Variants in SNX14 observed in about 807,000 individuals in gnomAD.
SNX14 encodes the protein sorting nexin 14.
Under a neutral mutation model 133.8 loss-of-function variants are expected in SNX14, and 93 were observed. The observed-to-expected ratio is 0.70, with a 90% CI of 0.59 to 0.83. The LOEUF (loss-of-function observed/expected upper bound fraction) is 0.83, where lower values mean the gene tolerates loss of function less well. SNX14 is among the 40% of genes least tolerant of loss of function. SNX14 has a pLI of 0.00. For missense variants in SNX14, 945 were observed against 1,094.9 expected, an observed-to-expected ratio of 0.86 and a Z score of 1.93; for synonymous variants, 368 against 365.6, an observed-to-expected ratio of 1.01 and a Z score of -0.07.
chr6:85,517,530 A>G (rs1372816969), intron 23 of SNX14: 1 of 353,916 alleles, frequency 2.8e-6, no homozygotes, highest in African/African-American at 2.1e-5. Flanking sequence ...CAGAAGTGGC[A>G]TCAGTTTGCA....
At chr6:85,536,752 C>T in intron 17 of SNX14, 40 bp downstream of exon 17, 1 of 1,582,908 alleles carries the variant, frequency 6.3e-7, no homozygotes. Context: ...CATAGTAAGT[C>T]TGAAGTTATA....
At chr6:85,511,757 G>T (rs1772900315) in intron 26 of SNX14, among the ~76,000 whole-genome samples, 1 of 152,170 alleles carries the variant, frequency 6.6e-6, no homozygotes, top group Non-Finnish European at 1.5e-5. Flanking sequence ...AATCCCACTT[G>T]GTGTATAATT....
chr6:85,549,998 G>A, intron 7 of SNX14, 119 bp from the exon 8 acceptor site: 1 of 848,414 alleles, frequency 1.2e-6, no homozygotes. Context: ...TGTAATCCCA[G>A]CATTTTGTGA....
intron 6 of SNX14, among the ~76,000 whole-genome samples, chr6:85,560,475 T>C (rs1326744187): frequency 6.6e-6 from 1 of 152,144 alleles, no homozygotes; most frequent in Non-Finnish European, 1.5e-5. Context: ...TGGTTGGCTA[T>C]GGATGAAGGG....
At chr6:85,510,595 C>T (rs940629872) in intron 26 of SNX14, among the ~76,000 whole-genome samples, 2 of 152,056 alleles carry the variant, frequency 1.3e-5, no homozygotes, top group African/African-American at 4.8e-5. Context: ...TAGTGTCTTT[C>T]ACAAAGCAAA....
At chr6:85,588,989 C>T in intron 1 of SNX14, 1 of 434,608 alleles carries the variant, frequency 2.3e-6, no homozygotes, top group South Asian at 1.6e-5. Flanking sequence ...GAAGGGGATG[C>T]AGAAGTGGCA....
chr6:85,589,129 A>G (rs1801983001), intron 1 of SNX14: 1 of 239,794 alleles, frequency 4.2e-6, no homozygotes, highest in Non-Finnish European at 8.6e-6. Flanking sequence ...TGCCAGTATC[A>G]AAGAAGGGTC....
intron 21 of SNX14, among the ~76,000 whole-genome samples, chr6:85,525,717 G>A (rs1346011893): frequency 1.3e-5 from 2 of 152,088 alleles, no homozygotes; most frequent in Admixed American, 6.5e-5. Flanking sequence ...GTGGAAAAAT[G>A]CAACTGTCTT....
intron 13 of SNX14, 80 bp downstream of exon 13, chr6:85,543,525 G>C (rs1240493584): frequency 8.4e-7 from 1 of 1,197,124 alleles, no homozygotes; most frequent in African/African-American, 1.6e-5. Flanking sequence ...ACTGCAGCTA[G>C]CCACTGCAAT....
At chr6:85,548,974 A>AT (rs1362399420) in intron 8 of SNX14, among the ~76,000 whole-genome samples, 74 of 68,770 alleles carry the variant, frequency 1.1e-3, no homozygotes, top group African/African-American at 8.6e-3. Flanking sequence ...CTCAAAAATA[A>AT]TTAAAAAAAA....
In SNX14 at chr6:85,558,072, C is replaced by T. The variant is rs200257839; in HGVS notation, c.550-12G>A. The T allele has an allele frequency of 2.4e-4, 340 of 1,389,344 alleles. 1 individual carries two copies. In the African/African-American group the frequency reaches 4.2e-3, roughly 17 times the overall value. The allele number at this position is 1,389,344 out of a possible 1,614,324, so 86.1% of individuals were successfully genotyped here. On this transcript the variant is annotated splice_polypyrimidine_tract_variant and intron_variant, in intron 6 of 28. Coordinates refer to ENST00000314673, the MANE Select transcript of SNX14 (RefSeq NM_153816.6). The stretch of plus-strand genomic sequence containing the variant: ...GATGGAATATCCACCTAGAAAAATT[C>T]AAGATTAAAACTTTTAAAATAATTA...
intron 2 of SNX14, among the ~76,000 whole-genome samples, chr6:85,573,451 A>G (rs1202284844): frequency 6.6e-6 from 1 of 152,168 alleles, no homozygotes; most frequent in Non-Finnish European, 1.5e-5. Flanking sequence ...CCGCACTCCA[A>G]CCTGGGTGAC....
chr6:85,567,410 G>A, intron 5 of SNX14, 124 bp downstream of exon 5: 1 of 701,762 alleles, frequency 1.4e-6, no homozygotes, highest in South Asian at 1.8e-5. Context: ...AATTATTTTG[G>A]CTAAAAGGTC....
chr6:85,547,777 C>T (rs887295807), intron 9 of SNX14, among the ~76,000 whole-genome samples: 3 of 152,138 alleles, frequency 2.0e-5, no homozygotes, highest in Non-Finnish European at 4.4e-5. Context: ...CTGATTTTGG[C>T]ATTTAAAATA....
At chr6:85,566,799 T>TA (rs1486310939) in intron 5 of SNX14, among the ~76,000 whole-genome samples, 3 of 152,224 alleles carry the variant, frequency 2.0e-5, no homozygotes, top group Non-Finnish European at 4.4e-5. Context: ...CATGGAGGTA[T>TA]AAGTGTTCAA....
At chr6:85,540,669 T>C (rs1306458505) in intron 15 of SNX14, among the ~76,000 whole-genome samples, 2 of 152,208 alleles carry the variant, frequency 1.3e-5, no homozygotes, top group Non-Finnish European at 2.9e-5. Flanking sequence ...AGAATTAATA[T>C]TCAACATTCA....
intron 1 of SNX14, among the ~76,000 whole-genome samples, chr6:85,583,887 GAAAAA>G (rs949442697): frequency 6.7e-6 from 1 of 149,610 alleles, no homozygotes; most frequent in Admixed American, 6.7e-5. Context: ...AACAGAATTA[GAAAAA>G]AAAATACTTT....
intron 23 of SNX14, among the ~76,000 whole-genome samples, chr6:85,515,733 T>C (rs1195904479): frequency 1.3e-5 from 2 of 152,106 alleles, no homozygotes; most frequent in East Asian, 3.9e-4. Context: ...TTCTGATATA[T>C]TATTCCCTCT....
intron 6 of SNX14, among the ~76,000 whole-genome samples, chr6:85,561,058 G>T (rs1791384253): frequency 6.7e-6 from 1 of 149,100 alleles, no homozygotes; most frequent in Non-Finnish European, 1.5e-5. Flanking sequence ...AAAAGGCTGG[G>T]CACGGTGGCT....
Sources: allele counts gnomAD v4.1 joint callset (sites outside exome capture counted in the v4.1 genomes callset), GRCh38; gene constraint gnomAD v4.1.1; transcripts MANE v1.5; gene names NCBI Gene and HGNC (gene_info 2026-07-23, HGNC 2026-07-21).